TMPRSS7: variants seen among roughly 807,000 people sequenced by gnomAD.
TMPRSS7 encodes transmembrane serine protease 7, also known as transmembrane protease serine 7.
A neutral mutation model predicts 95.6 loss-of-function variants in TMPRSS7; 81 were observed. The ratio of observed to expected loss-of-function variants is 0.85; its 90% CI spans 0.71 to 1.02. The LOEUF (loss-of-function observed/expected upper bound fraction) is 1.02. TMPRSS7 is among the 50% of genes least tolerant of loss of function. TMPRSS7 has a pLI of 0.00. For synonymous variants in TMPRSS7, 364 were observed against 337.8 expected (o/e 1.08, Z -0.85); for missense variants, 945 against 955.2 (o/e 0.99, Z 0.14).
At chr3:112,058,099 A>T (rs904914480) in intron 10 of TMPRSS7, among the ~76,000 whole-genome samples, 3 of 152,216 alleles carry the variant, frequency 2.0e-5, no homozygotes, top group African/African-American at 4.8e-5. Context: ...CTTTCAGAGA[A>T]TTCTGTTAAG....
At chr3:112,050,648 G>A in intron 8 of TMPRSS7, 23 bp from the exon 9 acceptor site, 1 of 1,367,314 alleles carries the variant, frequency 7.3e-7, no homozygotes, top group Non-Finnish European at 1.0e-6. Flanking sequence ...AAATCATTGT[G>A]TGTCACTGGG....
intron 13 of TMPRSS7, among the ~76,000 whole-genome samples, chr3:112,072,426 G>C (rs533671558): frequency 9.6e-4 from 147 of 152,352 alleles, no homozygotes; most frequent in African/African-American, 3.4e-3. Flanking sequence ...ACAGGGGTCA[G>C]GGACCCACTT....
intron 13 of TMPRSS7, among the ~76,000 whole-genome samples, chr3:112,072,290 G>A (rs1286375592): frequency 1.3e-5 from 2 of 152,238 alleles, no homozygotes; most frequent in Admixed American, 6.5e-5. Context: ...CTGCAGAACA[G>A]CAAATATTGC....
chr3:112,077,432 CTA>C (rs2073725407), intron 16 of TMPRSS7, among the ~76,000 whole-genome samples: 2 of 152,086 alleles, frequency 1.3e-5, no homozygotes, highest in African/African-American at 4.8e-5. Context: ...GAAGGTTATG[CTA>C]TGTTATTCAC....
At chr3:112,081,017 C>T (rs1245552114) in exon 18 of TMPRSS7, 2 of 1,613,856 alleles carry the variant, frequency 1.2e-6, no homozygotes, top group South Asian at 2.2e-5. Context: ...CCAAACTTTC[C>T]TGGTGTTTAC....
intron 2 of TMPRSS7, 133 bp downstream of exon 2, chr3:112,038,454 A>G: frequency 1.7e-6 from 1 of 599,148 alleles, no homozygotes; most frequent in East Asian, 2.8e-5. Context: ...ACCATTTCCA[A>G]AACTGGTGTT....
chr3:112,076,758 A>G (rs2073713847), intron 15 of TMPRSS7, 118 bp from the exon 16 acceptor site: 1 of 1,234,654 alleles, frequency 8.1e-7, no homozygotes, highest in Admixed American at 2.2e-5. Flanking sequence ...AGTGACTATA[A>G]TAACACCCTG....
chr3:112,063,681 T>C (rs2073541714), intron 12 of TMPRSS7, 49 bp downstream of exon 12: 1 of 1,451,866 alleles, frequency 6.9e-7, no homozygotes, highest in Non-Finnish European at 9.7e-7. Context: ...AAGTAACTTC[T>C]CAGGACCATG....
At chr3:112,057,819 G>C (rs1239641397) in intron 10 of TMPRSS7, among the ~76,000 whole-genome samples, 2 of 152,082 alleles carry the variant, frequency 1.3e-5, no homozygotes, top group African/African-American at 4.8e-5. Flanking sequence ...TCTGCCTCCT[G>C]GGTTCAAGCA....
rs557019931 is a variant in TMPRSS7, at chr3:112,080,890, T to C, written c.2362-24T>C. Reference sequence around the variant, plus strand: ...ATGATCATGGGACCAATTTACTTTATACTTACATTTTTTGTGTGTGTAGGG... The same window carrying C: ...ATGATCATGGGACCAATTTACTTTACACTTACATTTTTTGTGTGTGTAGGG... On this transcript the variant is annotated intron_variant, in intron 17 of 17. Coordinates refer to ENST00000452346, the Ensembl canonical transcript of TMPRSS7. 155 of 1,600,984 alleles carry C rather than the reference T, an allele frequency of 9.7e-5. 3 individuals are homozygous for C. In the South Asian group the frequency reaches 1.7e-3, roughly 18 times the overall value.
rs762184222 is a variant in TMPRSS7 at position 112,061,772 on chromosome 3, C to T, written c.1311-15C>T. 1.3e-6 allele frequency: 2 copies of T among 1,592,616 alleles called. No individual in the cohort carries two copies. Among genetic ancestry groups the T allele is most frequent in the Non-Finnish European group, 8.6e-7 (1 of 1,168,566 alleles). On this transcript the variant is annotated splice_polypyrimidine_tract_variant and intron_variant, in intron 10 of 17. Coordinates refer to ENST00000452346, the Ensembl canonical transcript of TMPRSS7. ...ACCTCAAGCTGTGTATTCTCCCCGA[C>T]TCTTGTCTCCCCAGGTACTGTGGCT... is the stretch of plus-strand genomic sequence containing the variant.
intron 14 of TMPRSS7, 68 bp downstream of exon 14, chr3:112,074,480 A>G (rs985045493): frequency 7.4e-6 from 9 of 1,217,386 alleles, no homozygotes; most frequent in Non-Finnish European, 1.1e-5. Flanking sequence ...TTATATTTTC[A>G]TTCCCTTCTT....
Position 112,043,919 on chromosome 3 carries a change from AAATGTACTTAAATG to A in TMPRSS7, c.430-334_430-321del, listed in dbSNP as rs2073243218. On this transcript the variant is annotated intron_variant, in intron 3 of 17. Transcript: ENST00000452346. ...GTTGGGTCAGACTACTGTACTATGA[AAATGTACTTAAATG>A]AGTTTGATTTGTTAACTGTGGGGAA... is the stretch of plus-strand genomic sequence containing the variant. Among the ~76,000 whole-genome samples the A allele has an allele frequency of 2.0e-5, 3 of 152,352 alleles. No individual in the cohort carries two copies. In the South Asian group the frequency reaches 6.2e-4, roughly 32 times the overall value.
Position 112,066,486 on chromosome 3 carries a change from GC to G in TMPRSS7, c.1651del (p.Gln551LysfsTer127). The G allele has an allele frequency of 6.2e-7, 1 of 1,613,848 alleles. No individual in the cohort carries two copies. On this transcript the variant is annotated frameshift_variant, in exon 13 of 18. Transcript: ENST00000452346. LOFTEE classifies it high-confidence loss of function. ...GGGACTGTGAGAATGGCCGGGATGA[GC>G]AAAACTGCACTCAAAGTGAGGGAGA...
At chr3:112,045,229 C>T (rs1022556408) in intron 4 of TMPRSS7, among the ~76,000 whole-genome samples, 7 of 152,164 alleles carry the variant, frequency 4.6e-5, no homozygotes, top group African/African-American at 1.7e-4. Flanking sequence ...CTCACTGCAA[C>T]GTCTGCCTCC....
At chr3:112,040,341 T>A (rs942911503) in intron 2 of TMPRSS7, among the ~76,000 whole-genome samples, 1 of 152,126 alleles carries the variant, frequency 6.6e-6, no homozygotes, top group Non-Finnish European at 1.5e-5. Flanking sequence ...GGTGTGAGTT[T>A]TTTTGCTTAA....
chr3:112,062,696 G>A (rs974451777), intron 11 of TMPRSS7, among the ~76,000 whole-genome samples: 1 of 152,126 alleles, frequency 6.6e-6, no homozygotes, highest in African/African-American at 2.4e-5. Context: ...GGTAGATAAA[G>A]CAAGCTGTCT....
intron 7 of TMPRSS7, among the ~76,000 whole-genome samples, chr3:112,049,497 C>T (rs1352375784): frequency 4.6e-5 from 7 of 152,132 alleles, no homozygotes; most frequent in Admixed American, 3.9e-4. Flanking sequence ...CATCCATTTG[C>T]GTGATGGAGC....
exon 16 of TMPRSS7, chr3:112,077,008 TTTG>T (rs771563529): frequency 6.2e-7 from 1 of 1,614,192 alleles, no homozygotes; most frequent in African/African-American, 1.3e-5. Context: ...ATGATATTGC[TTTG>T]CTACAGCTCA....
Sources: allele counts gnomAD v4.1 joint callset (sites outside exome capture counted in the v4.1 genomes callset), GRCh38; gene constraint gnomAD v4.1.1; transcripts MANE v1.5; gene names NCBI Gene and HGNC (gene_info 2026-07-23, HGNC 2026-07-21).